The following PTPRO variants were observed in gnomAD, a reference collection of about 807,000 sequenced individuals.
PTPRO encodes the protein protein tyrosine phosphatase receptor type O, also known as receptor-type tyrosine-protein phosphatase O.
Under a neutral mutation model 145.2 loss-of-function variants are expected in PTPRO, and 62 were observed. That is an observed-to-expected ratio of 0.43 (90% confidence interval 0.35 to 0.53). The LOEUF is 0.53. PTPRO is among the 20% of genes least tolerant of loss of function. The pLI is 0.01. For missense variants in PTPRO, 1,345 were observed against 1,482.7 expected, an observed-to-expected ratio of 0.91 and a Z score of 1.53; for synonymous variants, 565 against 514.7, an observed-to-expected ratio of 1.10 and a Z score of -1.32.
intron 1 of PTPRO, among the ~76,000 whole-genome samples, chr12:15,329,282 G>C (rs1031924312): frequency 6.6e-6 from 1 of 152,150 alleles, no homozygotes; most frequent in Admixed American, 6.5e-5. Context: ...TTGGTTCCAC[G>C]CATAGGAATT....
intron 3 of PTPRO, 93 bp downstream of exon 3, chr12:15,497,496 T>C (rs1942131968): frequency 3.8e-6 from 5 of 1,322,500 alleles, no homozygotes; most frequent in Admixed American, 1.7e-5. Context: ...AAAGAGGTTT[T>C]ATAATTCACT....
intron 1 of PTPRO, among the ~76,000 whole-genome samples, chr12:15,442,150 C>G (rs1399959412): frequency 1.3e-5 from 2 of 152,084 alleles, no homozygotes; most frequent in African/African-American, 2.4e-5. Context: ...AGCTAATTCA[C>G]CATGATCAAG....
At chr12:15,409,193 G>A (rs747383124) in intron 1 of PTPRO, among the ~76,000 whole-genome samples, 7 of 152,090 alleles carry the variant, frequency 4.6e-5, no homozygotes, top group African/African-American at 9.7e-5. Flanking sequence ...ATTATGCTGC[G>A]TCAAAACAGT....
intron 1 of PTPRO, among the ~76,000 whole-genome samples, chr12:15,363,698 A>G (rs1340733121): frequency 6.6e-6 from 1 of 152,158 alleles, no homozygotes; most frequent in Non-Finnish European, 1.5e-5. Context: ...GTACATAAGT[A>G]AAAGCATTCA....
intron 1 of PTPRO, among the ~76,000 whole-genome samples, chr12:15,390,267 T>A (rs1939151826): frequency 6.6e-6 from 1 of 152,122 alleles, no homozygotes; most frequent in East Asian, 1.9e-4. Flanking sequence ...CATGGTGTAT[T>A]AGTCTGTTTT....
chr12:15,442,384 G>A (rs749334135), intron 1 of PTPRO, among the ~76,000 whole-genome samples: 3 of 152,030 alleles, frequency 2.0e-5, no homozygotes, highest in Non-Finnish European at 2.9e-5. Flanking sequence ...CCCACAGTCA[G>A]CATCATACTG....
rs116731310 is a variant in PTPRO, at chr12:15,325,631, A to G, written c.75+2830A>G. Among the ~76,000 whole-genome samples, 526 of 152,304 alleles carry G rather than the reference A, an allele frequency of 3.5e-3. 1 individual carries two copies. Among genetic ancestry groups the G allele is most frequent in the African/African-American group, 0.011 (439 of 41,564 alleles). ...TTCTATGGATGAATGCAAGTGAGGTATTTATCTGGCGAGCCTCGCTGTTGT... is the reference window on the plus strand; with the variant it reads ...TTCTATGGATGAATGCAAGTGAGGTGTTTATCTGGCGAGCCTCGCTGTTGT... On this transcript the variant is annotated intron_variant, in intron 1 of 26. Coordinates refer to ENST00000281171, the MANE Select transcript of PTPRO (RefSeq NM_030667.3).
intron 1 of PTPRO, among the ~76,000 whole-genome samples, chr12:15,362,196 C>T (rs1281741573): frequency 2.0e-5 from 3 of 152,206 alleles, no homozygotes; most frequent in Non-Finnish European, 4.4e-5. Context: ...CTTCAAGCTT[C>T]TCATGCATCA....
Position 15,560,263 on chromosome 12 carries a change from T to C in PTPRO, c.2698T>C (p.Tyr900His), listed in dbSNP as rs150693746. The change falls in exon 17 of 27, where the codon TAT becomes CAT. Residue 900 changes from tyrosine (Y) to histidine (H), a missense_variant. Transcript: ENST00000281171. ...CLWTDYLLAFYINPWSKNGLK... is the reference protein window; with the variant it reads ...CLWTDYLLAFHINPWSKNGLK... ...TTGGACTGATTATCTTTTGGCATTT[T>C]ATATTAATCCTTGGTAAGTGATTTT... 14 of 1,579,028 alleles carry C rather than the reference T, an allele frequency of 8.9e-6. No individual in the cohort carries two copies. The African/African-American group carries it at 1.9e-4, about 21-fold the overall frequency.
At chr12:15,390,542 A>G (rs1440045709) in intron 1 of PTPRO, among the ~76,000 whole-genome samples, 1 of 151,982 alleles carries the variant, frequency 6.6e-6, no homozygotes, top group African/African-American at 2.4e-5. Context: ...CTCCCACAAC[A>G]CGCGGGAATT....
At position 15,472,049 on chromosome 12, in the gene PTPRO, A is replaced by C. The variant is rs544318187; in HGVS notation, c.76-11925A>C. 3.9e-5 allele frequency among the ~76,000 whole-genome samples: 6 copies of C among 152,338 alleles called. No individual in the cohort carries two copies. The South Asian group carries it at 1.2e-3, about 32-fold the overall frequency. On this transcript the variant is annotated intron_variant, in intron 1 of 26. Coordinates refer to ENST00000281171, the MANE Select transcript of PTPRO (RefSeq NM_030667.3). The stretch of plus-strand genomic sequence containing the variant: ...TCATGGCCATAAGTGCTATGTAAGC[A>C]CCAAACATCATTAATATTACTATTT...
Position 15,351,153 on chromosome 12 carries a change from G to C in PTPRO, c.75+28352G>C, listed in dbSNP as rs184765828. 1.3e-4 allele frequency among the ~76,000 whole-genome samples: 20 copies of C among 152,184 alleles called. No individual in the cohort carries two copies. The East Asian group carries it at 3.7e-3, about 28-fold the overall frequency. ...AATAGTTTTCTGTAAGTGTGCTGCC[G>C]TTCCCAGGATGCCGACTAACAGCTT... On this transcript the variant is annotated intron_variant, in intron 1 of 26. Transcript: ENST00000281171.
chr12:15,464,739 A>G (rs1247832097), intron 1 of PTPRO, among the ~76,000 whole-genome samples: 3 of 152,210 alleles, frequency 2.0e-5, no homozygotes, highest in East Asian at 1.9e-4. Flanking sequence ...TGTGTGGATT[A>G]TTGTAAATTA....
intron 1 of PTPRO, among the ~76,000 whole-genome samples, chr12:15,430,613 A>T (rs1940408884): frequency 6.6e-6 from 1 of 152,190 alleles, no homozygotes; most frequent in Non-Finnish European, 1.5e-5. Context: ...CAAAGAATAC[A>T]AAATTTCAGT....
intron 1 of PTPRO, among the ~76,000 whole-genome samples, chr12:15,371,694 A>C (rs181232959): frequency 1.4e-3 from 217 of 152,184 alleles, no homozygotes; most frequent in African/African-American, 4.8e-3. Flanking sequence ...TTTGTTCCCC[A>C]CCCAAATCTC....
chr12:15,348,831 T>C (rs1284995635), intron 1 of PTPRO, among the ~76,000 whole-genome samples: 2 of 152,092 alleles, frequency 1.3e-5, no homozygotes, highest in Admixed American at 1.3e-4. Flanking sequence ...AACACAACTC[T>C]TCTTCTGACA....
intron 15 of PTPRO, among the ~76,000 whole-genome samples, chr12:15,553,990 T>C (rs895682563): frequency 2.6e-5 from 4 of 152,040 alleles, no homozygotes; most frequent in African/African-American, 9.7e-5. Flanking sequence ...AAGTCGGGAG[T>C]TCGAGACCAG....
chr12:15,405,589 C>T (rs1047463821), intron 1 of PTPRO, among the ~76,000 whole-genome samples: 3 of 152,040 alleles, frequency 2.0e-5, no homozygotes, highest in Non-Finnish European at 4.4e-5. Flanking sequence ...AACCTAGAAT[C>T]CATGAGGGGA....
chr12:15,503,008 A>T (rs16910914), intron 5 of PTPRO, among the ~76,000 whole-genome samples: 1 of 152,240 alleles, frequency 6.6e-6, no homozygotes, highest in East Asian at 1.9e-4. Flanking sequence ...GGATTCTTCT[A>T]TACAAGATGA....
Sources: allele counts gnomAD v4.1 joint callset (sites outside exome capture counted in the v4.1 genomes callset), GRCh38; gene constraint gnomAD v4.1.1; transcripts MANE v1.5; gene names NCBI Gene and HGNC (gene_info 2026-07-23, HGNC 2026-07-21).